The following IQCJ variants were observed in gnomAD, a reference collection of about 807,000 sequenced individuals.
IQCJ encodes IQ domain-containing protein J.
In IQCJ, 9 loss-of-function variants were observed where a neutral mutation model predicts 11.0. That is an observed-to-expected ratio of 0.82 (90% CI 0.49 to 1.43). The LOEUF is 1.43. Ranked by LOEUF, IQCJ falls within the 40% of genes most tolerant of loss-of-function variation. The probability of loss-of-function intolerance (pLI) is 0.00; values close to 1 mark genes in which losing one functional copy is unlikely to be tolerated. For missense variants in IQCJ, 146 were observed against 133.2 expected (o/e 1.10, Z -0.47); for synonymous variants, 55 against 51.3 (o/e 1.07, Z -0.31).
chr3:159,192,375 C>G (rs1448903103), intron 1 of IQCJ, among the ~76,000 whole-genome samples: 1 of 152,052 alleles, frequency 6.6e-6, no homozygotes, highest in Non-Finnish European at 1.5e-5. Flanking sequence ...AGGTCCAGTC[C>G]CTCATACTCT....
At chr3:159,176,279 T>C (rs1183276585) in intron 1 of IQCJ, among the ~76,000 whole-genome samples, 1 of 152,068 alleles carries the variant, frequency 6.6e-6, no homozygotes, top group African/African-American at 2.4e-5. Flanking sequence ...GCTAAAGTTG[T>C]TTTTAATTTT....
chr3:159,101,647 G>C (rs566096985), intron 1 of IQCJ, among the ~76,000 whole-genome samples: 1 of 152,286 alleles, frequency 6.6e-6, no homozygotes, highest in South Asian at 2.1e-4. Flanking sequence ...GGCTTTAGCT[G>C]TTCTTGACAA....
intron 1 of IQCJ, among the ~76,000 whole-genome samples, chr3:159,185,328 T>C (rs1393057244): frequency 6.6e-6 from 1 of 152,128 alleles, no homozygotes; most frequent in African/African-American, 2.4e-5. Flanking sequence ...ACTCTTTGAA[T>C]CCTAGCTGCA....
intron 1 of IQCJ, among the ~76,000 whole-genome samples, chr3:159,105,614 C>T (rs1156565370): frequency 3.3e-5 from 5 of 151,836 alleles, no homozygotes; most frequent in African/African-American, 1.2e-4. Flanking sequence ...TTGGTCAGGA[C>T]ATTTGAATAA....
chr3:159,197,889 T>C (rs1390190455), intron 1 of IQCJ, among the ~76,000 whole-genome samples: 1 of 152,190 alleles, frequency 6.6e-6, no homozygotes, highest in African/African-American at 2.4e-5. Flanking sequence ...TTTTGGTTTT[T>C]AAATGTTAGA....
chr3:159,173,509 C>T (rs1403902835), intron 1 of IQCJ, among the ~76,000 whole-genome samples: 1 of 152,174 alleles, frequency 6.6e-6, no homozygotes, highest in Non-Finnish European at 1.5e-5. Context: ...TTACGTTACC[C>T]TTTCAGAATA....
At chr3:159,214,629 A>G (rs1725125870) in intron 1 of IQCJ, among the ~76,000 whole-genome samples, 1 of 152,130 alleles carries the variant, frequency 6.6e-6, no homozygotes, top group Non-Finnish European at 1.5e-5. Context: ...ACCCATTCAC[A>G]TATGTTCTAA....
At chr3:159,255,063 GT>G (rs1477268442) in intron 3 of IQCJ, among the ~76,000 whole-genome samples, 1 of 152,164 alleles carries the variant, frequency 6.6e-6, no homozygotes, top group African/African-American at 2.4e-5. Context: ...TCCAAGATAA[GT>G]TTTTTTAGTC....
At chr3:159,094,422 C>CTTTTTTTTTT (rs71302258) in intron 1 of IQCJ, among the ~76,000 whole-genome samples, 1 of 71,714 alleles carries the variant, frequency 1.4e-5, no homozygotes, top group Non-Finnish European at 2.5e-5. Flanking sequence ...ACAGGATCTG[C>CTTTTTTTTTT]TTTTTTTTTT....
chr3:159,080,598 G>A (rs1716243846), intron 1 of IQCJ, among the ~76,000 whole-genome samples: 1 of 152,156 alleles, frequency 6.6e-6, no homozygotes, highest in South Asian at 2.1e-4. Context: ...TAGGGGAAGA[G>A]AAACTAACAT....
chr3:159,249,729 T>C (rs1056271997), intron 2 of IQCJ, among the ~76,000 whole-genome samples: 1 of 152,246 alleles, frequency 6.6e-6, no homozygotes, highest in Non-Finnish European at 1.5e-5. Flanking sequence ...GAAATAACCA[T>C]AAGTTAAGTG....
rs922209470 is a variant in IQCJ, at chr3:159,263,371, T to C, written c.*640T>C. The C allele has an allele frequency of 4.7e-6, 4 of 857,260 alleles. No homozygotes were observed. The African/African-American group carries it at 7.3e-5, about 16-fold the overall frequency. The allele number at this position is 857,260 out of a possible 1,614,324, so 53.1% of individuals were successfully genotyped here. A position where few individuals can be genotyped will look rare whatever the true frequency, so the allele number is the denominator to read the frequency against. On this transcript the variant is annotated 3_prime_UTR_variant, in exon 4 of 4. Transcript: ENST00000397832. ...AAGTAAGCATGCCTACAGACCACAA[T>C]TGACCTACAGGCCACCAGTTTAAGA...
At chr3:159,128,577 A>G (rs1719807422) in intron 1 of IQCJ, among the ~76,000 whole-genome samples, 1 of 152,134 alleles carries the variant, frequency 6.6e-6, no homozygotes, top group South Asian at 2.1e-4. Context: ...GCTGATACGC[A>G]TGCCCCTCGT....
intron 1 of IQCJ, among the ~76,000 whole-genome samples, chr3:159,162,638 G>A (rs1234283879): frequency 5.3e-5 from 8 of 152,056 alleles, no homozygotes; most frequent in Non-Finnish European, 8.8e-5. Flanking sequence ...CCAGGAGCTG[G>A]TTTTTTGAAA....
At chr3:159,101,047 C>T (rs1455597901) in intron 1 of IQCJ, among the ~76,000 whole-genome samples, 1 of 56,638 alleles carries the variant, frequency 1.8e-5, no homozygotes, top group Non-Finnish European at 3.6e-5. Context: ...ACCCTCCGAG[C>T]CAGGTGTGGG....
Position 159,122,256 on chromosome 3 carries a change from T to C in IQCJ, c.9+52815T>C, listed in dbSNP as rs142198377. On this transcript the variant is annotated intron_variant, in intron 1 of 3. Coordinates refer to ENST00000397832, the MANE Select transcript of IQCJ (RefSeq NM_001042706.3). ...TCACATCCCAATACCATCACATTGA[T>C]GGTTAGGATTTCAGCATTTAAGTTT... is the stretch of plus-strand genomic sequence containing the variant. 1.3e-3 allele frequency among the ~76,000 whole-genome samples: 200 copies of C among 152,306 alleles called. 1 individual carries two copies. Among genetic ancestry groups the C allele is most frequent in the African/African-American group, 4.6e-3 (192 of 41,570 alleles).
chr3:159,118,248 A>G (rs1501283), intron 1 of IQCJ, among the ~76,000 whole-genome samples: 103,678 of 151,808 alleles, frequency 0.68, 35,480 homozygotes, highest in Non-Finnish European at 0.71. Context: ...AAGGGAGATG[A>G]CTTACAAGGC....
chr3:159,258,317 T>C (rs1167172513), intron 3 of IQCJ, among the ~76,000 whole-genome samples: 5 of 152,164 alleles, frequency 3.3e-5, no homozygotes, highest in Admixed American at 6.5e-5. Flanking sequence ...GCTTGAACCA[T>C]GTGTGCATCT....
chr3:159,182,877 G>T lies in IQCJ; in HGVS notation c.10-62966G>T, dbSNP rs180721573. ...AATCTTTAACTACCAGGCCCAGGGT[G>T]TGGCGCCAGGCTGTCTGCTTGTGGA... is the stretch of plus-strand genomic sequence containing the variant. On this transcript the variant is annotated intron_variant, in intron 1 of 3. Coordinates refer to ENST00000397832, the MANE Select transcript of IQCJ (RefSeq NM_001042706.3). Among the ~76,000 whole-genome samples the T allele has an allele frequency of 3.5e-3, 533 of 150,512 alleles. 7 individuals are homozygous for T. The highest frequency in any genetic ancestry group is 0.013 in the African/African-American group (505 of 39,954).
Sources: gnomAD v4.1 joint callset for allele counts (sites outside exome capture counted in the v4.1 genomes callset) on GRCh38, gnomAD v4.1.1 for gene constraint, MANE v1.5 for transcripts, NCBI Gene and HGNC (gene_info 2026-07-23, HGNC 2026-07-21) for gene names.